The following RBFOX1 variants were observed in gnomAD, a reference collection of about 807,000 sequenced individuals.
RBFOX1 encodes RNA binding fox-1 homolog 1, also known as RNA binding protein fox-1 homolog 1.
In RBFOX1, 8 loss-of-function variants were observed where a neutral mutation model predicts 57.7. The observed-to-expected ratio is 0.14, with a 90% CI of 0.08 to 0.25. The LOEUF (loss-of-function observed/expected upper bound fraction) is 0.25, where lower values mean the gene tolerates loss of function less well. Among genes scored for constraint, RBFOX1 ranks in the 10% least tolerant of loss-of-function variants. RBFOX1 has a pLI of 1.00. For synonymous variants in RBFOX1, 326 were observed against 222.4 expected (o/e 1.47, Z -4.15); for missense variants, 611 against 548.5 (o/e 1.11, Z -1.14).
chr16:6,667,100 A>C (rs2098737768), intron 3 of RBFOX1, among the ~76,000 whole-genome samples: 6 of 151,946 alleles, frequency 3.9e-5, no homozygotes, highest in African/African-American at 1.5e-4. Context: ...GGGAAATTTG[A>C]GGGTGGTGGT....
At chr16:5,789,854 A>G (rs2054629417) in intron 3 of RBFOX1, among the ~76,000 whole-genome samples, 1 of 152,240 alleles carries the variant, frequency 6.6e-6, no homozygotes, top group Admixed American at 6.5e-5. Flanking sequence ...ATGACTAGGT[A>G]CGCAGATTAT....
chr16:7,441,117 G>T (rs1011739900), intron 4 of RBFOX1, among the ~76,000 whole-genome samples: 1 of 152,128 alleles, frequency 6.6e-6, no homozygotes, highest in Non-Finnish European at 1.5e-5. Flanking sequence ...CAAGTGACCT[G>T]CCTTCCTCTA....
intron 1 of RBFOX1, among the ~76,000 whole-genome samples, chr16:6,028,865 C>T (rs1347642079): frequency 3.3e-5 from 5 of 152,264 alleles, no homozygotes; most frequent in African/African-American, 9.6e-5. Context: ...ATTCCCTGAG[C>T]GCCAAGGTGC....
At chr16:6,119,610 AT>A (rs1297205642) in intron 1 of RBFOX1, among the ~76,000 whole-genome samples, 2 of 152,138 alleles carry the variant, frequency 1.3e-5, no homozygotes, top group Non-Finnish European at 2.9e-5. Flanking sequence ...TTTATTCAGT[AT>A]TTATATCATT....
At chr16:5,576,718 A>C (rs1489220306) in intron 2 of RBFOX1, among the ~76,000 whole-genome samples, 2 of 152,184 alleles carry the variant, frequency 1.3e-5, no homozygotes, top group African/African-American at 4.8e-5. Context: ...TTCTCATCAA[A>C]GCCCATTTCT....
chr16:5,767,860 G>A (rs1234776606), intron 3 of RBFOX1, among the ~76,000 whole-genome samples: 1 of 152,008 alleles, frequency 6.6e-6, no homozygotes, highest in Non-Finnish European at 1.5e-5. Flanking sequence ...ATTCTTTGAG[G>A]ATTCCTATTT....
chr16:6,250,772 G>T (rs745433174), intron 1 of RBFOX1, among the ~76,000 whole-genome samples: 12 of 152,106 alleles, frequency 7.9e-5, no homozygotes, highest in Middle Eastern at 3.2e-3. Context: ...TCTTGTGTGG[G>T]TTCATTATTT....
intron 2 of RBFOX1, among the ~76,000 whole-genome samples, chr16:6,364,245 T>G (rs1284286114): frequency 1.3e-5 from 2 of 152,252 alleles, no homozygotes; most frequent in East Asian, 3.9e-4. Context: ...CTCCACACAG[T>G]ATAAAGCCCT....
intron 4 of RBFOX1, among the ~76,000 whole-genome samples, chr16:5,892,890 G>A (rs2058079397): frequency 6.6e-6 from 1 of 152,196 alleles, no homozygotes; most frequent in South Asian, 2.1e-4. Context: ...GGTTGCAGAT[G>A]TCAACAGGGG....
intron 3 of RBFOX1, among the ~76,000 whole-genome samples, chr16:6,702,253 G>A (rs896491096): frequency 3.9e-5 from 6 of 152,088 alleles, no homozygotes; most frequent in African/African-American, 1.4e-4. Context: ...ATATGGATGG[G>A]ACAAATATCC....
intron 1 of RBFOX1, among the ~76,000 whole-genome samples, chr16:6,037,007 G>A (rs967171010): frequency 1.3e-5 from 2 of 152,106 alleles, no homozygotes; most frequent in Non-Finnish European, 1.5e-5. Flanking sequence ...TGTTGGAGGT[G>A]GGGGGAGACA....
At chr16:5,781,581 C>T (rs767882373) in intron 3 of RBFOX1, among the ~76,000 whole-genome samples, 6 of 152,234 alleles carry the variant, frequency 3.9e-5, no homozygotes, top group Admixed American at 2.0e-4. Flanking sequence ...ATTGGCCATA[C>T]GGACTCCGCC....
At chr16:7,286,831 G>C (rs557315446) in intron 4 of RBFOX1, among the ~76,000 whole-genome samples, 23 of 151,922 alleles carry the variant, frequency 1.5e-4, no homozygotes, top group Admixed American at 1.1e-3. Flanking sequence ...GTTTAGCCAT[G>C]TTGGCCAGGC....
chr16:5,779,856 T>A (rs952757344), intron 3 of RBFOX1, among the ~76,000 whole-genome samples: 2 of 152,216 alleles, frequency 1.3e-5, no homozygotes, highest in Non-Finnish European at 2.9e-5. Flanking sequence ...TTGGGTTACC[T>A]TTATAATCTG....
intron 1 of RBFOX1, among the ~76,000 whole-genome samples, chr16:6,022,405 G>T (rs999039765): frequency 4.6e-5 from 7 of 152,128 alleles, no homozygotes; most frequent in African/African-American, 1.7e-4. Flanking sequence ...TTGTGGCCAG[G>T]TGCAGTGGCT....
At chr16:7,149,271 T>A (rs1027943869) in intron 4 of RBFOX1, among the ~76,000 whole-genome samples, 1 of 152,014 alleles carries the variant, frequency 6.6e-6, no homozygotes, top group Non-Finnish European at 1.5e-5. Flanking sequence ...GCAATATGAC[T>A]GTTTGCTTGT....
At chr16:6,050,012 G>A (rs1004321316) in intron 1 of RBFOX1, among the ~76,000 whole-genome samples, 1 of 149,012 alleles carries the variant, frequency 6.7e-6, no homozygotes, top group Non-Finnish European at 1.5e-5. Context: ...CTGGGGTACA[G>A]CGGCGTGATC....
intron 1 of RBFOX1, among the ~76,000 whole-genome samples, chr16:6,056,779 A>G (rs1472673093): frequency 6.6e-6 from 1 of 152,008 alleles, no homozygotes; most frequent in Non-Finnish European, 1.5e-5. Flanking sequence ...GAGTGTTAAT[A>G]TGGATCAACA....
At chr16:6,292,625 T>C (rs1182154049) in intron 1 of RBFOX1, among the ~76,000 whole-genome samples, 1 of 152,176 alleles carries the variant, frequency 6.6e-6, no homozygotes, top group Admixed American at 6.5e-5. Flanking sequence ...CAATTTGTTT[T>C]TCACTGTGGA....
Sources: allele counts gnomAD v4.1 joint callset (sites outside exome capture counted in the v4.1 genomes callset), GRCh38; gene constraint gnomAD v4.1.1; transcripts MANE v1.5; gene names NCBI Gene and HGNC (gene_info 2026-07-23, HGNC 2026-07-21).